Variants in USP42 observed in about 807,000 individuals in gnomAD.
The protein encoded by USP42 is ubiquitin carboxyl-terminal hydrolase 42.
Under a neutral mutation model 113.0 loss-of-function variants are expected in USP42, and 23 were observed. The observed-to-expected ratio is 0.20, with a 90% CI of 0.15 to 0.29. The LOEUF is 0.29. Ranked by LOEUF, USP42 falls within the 10% of genes least tolerant of loss-of-function variation. USP42 has a pLI of 1.00. For synonymous variants in USP42, 933 were observed against 699.0 expected, an observed-to-expected ratio of 1.33 and a Z score of -5.28; for missense variants, 2,174 against 1,779.8, an observed-to-expected ratio of 1.22 and a Z score of -3.99.
At chr7:6,144,397 A>G (rs994338323) in intron 9 of USP42, among the ~76,000 whole-genome samples, 3 of 152,294 alleles carry the variant, frequency 2.0e-5, no homozygotes, top group East Asian at 1.9e-4. Flanking sequence ...TGAAATCCAA[A>G]GAGGACTTCC....
chr7:6,146,066 A>G (rs1781700568), intron 10 of USP42, 82 bp from the exon 11 acceptor site: 3 of 1,157,640 alleles, frequency 2.6e-6, no homozygotes, highest in Non-Finnish European at 3.7e-6. Context: ...CATCTCAAAA[A>G]AAAAGAAAGA....
Position 6,154,968 on chromosome 7 carries a change from A to G in USP42, c.3414A>G (p.Ala1138=), listed in dbSNP as rs1293463725. 1 of 1,560,696 alleles carries G rather than the reference A, an allele frequency of 6.4e-7. No homozygotes were observed. Among genetic ancestry groups the G allele is most frequent in the Non-Finnish European group, 8.7e-7 (1 of 1,151,976 alleles). ...ACCGCTTCTCCCACGACAGAACTGC[A>G]CTTGTAGCCGGAGACAACTGTAACC... The part of the protein sequence containing the change: ...HPDRFSHDRT[A]LVAGDNCNLS... The change falls in exon 15 of 18, where the codon GCA becomes GCG. Residue 1138 remains alanine, a synonymous_variant. Coordinates refer to ENST00000306177, the MANE Select transcript of USP42 (RefSeq NM_032172.3).
the USP42 span, among the ~76,000 whole-genome samples, chr7:6,095,392 G>A: frequency 0.15 from 22,068 of 151,088 alleles, 2,213 homozygotes; most frequent in East Asian, 0.44. Flanking sequence ...CAGAGGGGCC[G>A]GGTGTGGTGG....
At chr7:6,147,681 G>A in intron 11 of USP42, 58 bp from the exon 12 acceptor site, 1 of 1,487,772 alleles carries the variant, frequency 6.7e-7, no homozygotes, top group Middle Eastern at 1.8e-4. Flanking sequence ...CTTTGTAAAT[G>A]AATCTCTCCT....
intron 4 of USP42, among the ~76,000 whole-genome samples, chr7:6,137,655 G>T (rs951930456): frequency 4.0e-5 from 6 of 151,130 alleles, no homozygotes; most frequent in African/African-American, 7.3e-5. Context: ...ACCATGCCTG[G>T]CTATTTATAC....
intron 9 of USP42, among the ~76,000 whole-genome samples, 169 bp from the exon 10 acceptor site, chr7:6,145,347 T>C (rs1781659498): frequency 6.7e-6 from 1 of 149,768 alleles, no homozygotes; most frequent in African/African-American, 2.5e-5. Context: ...AAAAAAAAGA[T>C]GGCTAAATGC....
At chr7:6,134,482 A>C (rs1781021656) in intron 3 of USP42, among the ~76,000 whole-genome samples, 1 of 152,190 alleles carries the variant, frequency 6.6e-6, no homozygotes, top group Non-Finnish European at 1.5e-5. Context: ...AATTGGGAAT[A>C]GCTTGATCCT....
chr7:6,150,048 G>A lies in USP42; in HGVS notation c.1852G>A (p.Glu618Lys). 6.2e-7 allele frequency: 1 copy of A among 1,610,520 alleles called. No homozygotes were observed. The highest frequency in any genetic ancestry group is 8.5e-7 in the Non-Finnish European group (1 of 1,178,258). The change falls in exon 13 of 18, where the codon GAG (glutamate) becomes AAG (lysine). Residue 618 changes from glutamate (E) to lysine (K), a missense_variant. By Grantham distance (56) the Glu-to-Lys change is moderately conservative. Transcript: ENST00000306177. ...CGAGTCCTCTGAGGACTCTGACGAG[G>A]AGTCAAAGGGGCTGGGCAAGGAGAA... Reference protein sequence around the residue: ...GAESSEDSDEESKGLGKENGI... With the variant: ...GAESSEDSDEKSKGLGKENGI...
upstream of USP42, among the ~76,000 whole-genome samples, chr7:6,104,664 G>A (rs1016104242): frequency 3.9e-5 from 6 of 152,162 alleles, no homozygotes; most frequent in African/African-American, 9.6e-5. Context: ...CCTTTCGCCG[G>A]CGCGCAGACG....
rs367756775 is a variant in USP42 at position 6,154,539 on chromosome 7, C to G, written c.2985C>G (p.Ala995=). The change falls in exon 15 of 18, where the codon GCC becomes GCG. Residue 995 remains alanine (A), a synonymous_variant. Transcript: ENST00000306177. ...PRERDRQDRH[A]PEHHPGHGDR... is the part of the protein sequence containing the mutation. ...AGCGCGACCGCCAGGACCGCCACGCCCCGGAGCACCACCCCGGCCACGGCG... is the reference window on the plus strand; with the variant it reads ...AGCGCGACCGCCAGGACCGCCACGCGCCGGAGCACCACCCCGGCCACGGCG... 8 of 1,545,554 alleles carry G rather than the reference C, an allele frequency of 5.2e-6. No individual in the cohort carries two copies. Among genetic ancestry groups the G allele is most frequent in the African/African-American group, 2.7e-5 (2 of 72,916 alleles).
chr7:6,141,201 C>CTTTTTTTTTTTTTT (rs903124477), intron 7 of USP42, among the ~76,000 whole-genome samples: 1 of 123,998 alleles, frequency 8.1e-6, no homozygotes, highest in Non-Finnish European at 1.7e-5. Context: ...TTTTTCTTTT[C>CTTTTTTTTTTTTTT]TTTTTTTTTT....
the USP42 span, among the ~76,000 whole-genome samples, chr7:6,095,726 G>T: frequency 6.6e-6 from 1 of 151,008 alleles, no homozygotes; most frequent in African/African-American, 2.5e-5. Flanking sequence ...AATCCCTACT[G>T]TGTACACTTG....
intron 1 of USP42, among the ~76,000 whole-genome samples, 168 bp from the exon 2 acceptor site, chr7:6,110,957 A>G (rs903909473): frequency 1.5e-4 from 23 of 152,240 alleles, no homozygotes; most frequent in African/African-American, 5.5e-4. Context: ...AAATGTCCCA[A>G]GGGGATTATT....
At chr7:6,097,888 C>G in the USP42 span, among the ~76,000 whole-genome samples, 1 of 139,246 alleles carries the variant, frequency 7.2e-6, no homozygotes, top group African/African-American at 2.8e-5. Flanking sequence ...CCGCGCCCGG[C>G]CTTCTTTTTC....
At chr7:6,108,755 A>T (rs1315478549) in intron 1 of USP42, among the ~76,000 whole-genome samples, 1 of 152,198 alleles carries the variant, frequency 6.6e-6, no homozygotes, top group Non-Finnish European at 1.5e-5. Context: ...CTGGGATTAC[A>T]GGCGTGAGCC....
Position 6,154,508 on chromosome 7 carries a change from C to T in USP42, c.2954C>T (p.Pro985Leu). The T allele has an allele frequency of 6.5e-7, 1 of 1,541,966 alleles. No individual in the cohort carries two copies. Among genetic ancestry groups the T allele is most frequent in the South Asian group, 1.2e-5 (1 of 83,654 alleles). ...GHRHRRRRTC[P>L]RERDRQDRHA... ...CGTCACCGGCGGCGCCGCACCTGCC[C>T]CCGGGAGCGCGACCGCCAGGACCGC... is the stretch of plus-strand genomic sequence containing the variant. The change falls in exon 15 of 18, where the codon CCC becomes CTC. Residue 985 changes from proline to leucine, a missense_variant. By Grantham distance (98) the Pro-to-Leu change is moderately conservative (BLOSUM62 -3). Coordinates refer to ENST00000306177, the MANE Select transcript of USP42 (RefSeq NM_032172.3).
At chr7:6,150,336 T>C in intron 13 of USP42, 34 bp downstream of exon 13, 1 of 1,606,158 alleles carries the variant, frequency 6.2e-7, no homozygotes, top group Non-Finnish European at 8.5e-7. Context: ...GCCTCGTTTG[T>C]GGCGGTTCCC....
the USP42 span, among the ~76,000 whole-genome samples, chr7:6,099,567 C>G: frequency 6.6e-6 from 1 of 150,510 alleles, no homozygotes; most frequent in Admixed American, 6.6e-5. Flanking sequence ...AGGCGGGTCT[C>G]AAACTCCTGA....
In USP42 at chr7:6,159,467, C is replaced by T. The variant is rs778725705; in HGVS notation, c.*10C>T. On this transcript the variant is annotated 3_prime_UTR_variant, in exon 17 of 18. Transcript: ENST00000306177. This position sits in a 1 kb window ranked among gnomAD's most constrained non-coding sequence, Gnocchi z 4.1. ...CTTTCTAGGTGATTGAAAACTCAGC[C>T]TCAAAACAAAAAATTCACTAGTTAT... is the stretch of plus-strand genomic sequence containing the variant. 6.2e-7 allele frequency: 1 copy of T among 1,613,882 alleles called. No homozygotes were observed. Among genetic ancestry groups the T allele is most frequent in the African/African-American group, 1.3e-5 (1 of 75,036 alleles).
Sources: gnomAD v4.1 joint callset for allele counts (sites outside exome capture counted in the v4.1 genomes callset) on GRCh38, gnomAD v4.1.1 for gene constraint, Gnocchi (gnomAD v3.1) non-coding constraint, MANE v1.5 for transcripts, NCBI Gene and HGNC (gene_info 2026-07-23, HGNC 2026-07-21) for gene names.